CTNND2: variants seen among roughly 807,000 people sequenced by gnomAD.
CTNND2 encodes the protein catenin delta-2.
CTNND2 carries 22 observed loss-of-function variants against 144.4 expected under a neutral mutation model. That is an observed-to-expected ratio of 0.15 (90% CI 0.11 to 0.22). The LOEUF (loss-of-function observed/expected upper bound fraction) is 0.22. Ranked by LOEUF, CTNND2 falls within the 10% of genes least tolerant of loss-of-function variation. CTNND2 has a pLI of 1.00. For synonymous variants in CTNND2, 751 were observed against 695.6 expected (o/e 1.08, Z -1.25); for missense variants, 1,353 against 1,618.8 (o/e 0.84, Z 2.82).
At chr5:11,431,569 A>G (rs138445658) in intron 3 of CTNND2, among the ~76,000 whole-genome samples, 1,839 of 152,266 alleles carry the variant, frequency 0.012, 41 homozygotes, top group African/African-American at 0.042. Flanking sequence ...CTTGGCAGCC[A>G]GCCTCCATAT....
chr5:11,353,742 GC>G (rs1561266127), intron 8 of CTNND2, among the ~76,000 whole-genome samples: 1 of 151,890 alleles, frequency 6.6e-6, no homozygotes, highest in African/African-American at 2.4e-5. Flanking sequence ...GGCGGAGGTT[GC>G]AGTGATCCGA....
chr5:10,986,785 T>C (rs1291041513), intron 20 of CTNND2: 2 of 420,758 alleles, frequency 4.8e-6, no homozygotes, highest in Non-Finnish European at 9.4e-6. Flanking sequence ...TAGTTTTCTT[T>C]ACGCAGCTGA....
At chr5:11,398,591 A>C (rs1166186203) in intron 5 of CTNND2, among the ~76,000 whole-genome samples, 1 of 152,212 alleles carries the variant, frequency 6.6e-6, no homozygotes, top group Non-Finnish European at 1.5e-5. Flanking sequence ...TTCTGGAAAA[A>C]AAAAAGGTAA....
At chr5:11,740,276 C>T (rs1303022870) in intron 1 of CTNND2, among the ~76,000 whole-genome samples, 1 of 152,194 alleles carries the variant, frequency 6.6e-6, no homozygotes, top group African/African-American at 2.4e-5. Flanking sequence ...ATCACACTAC[C>T]TGACTTCAAA....
intron 1 of CTNND2, among the ~76,000 whole-genome samples, chr5:11,746,431 C>T (rs186396137): frequency 1.7e-3 from 254 of 152,226 alleles, no homozygotes; most frequent in Non-Finnish European, 3.0e-3. Context: ...GAACTTTCCT[C>T]AGATATTACA....
chr5:11,403,115 C>T (rs1314216559), intron 5 of CTNND2, among the ~76,000 whole-genome samples: 4 of 152,134 alleles, frequency 2.6e-5, no homozygotes, highest in Admixed American at 1.3e-4. Context: ...ATACATGTGC[C>T]GTGGTTGTTT....
At chr5:11,226,926 T>A (rs1427851174) in intron 10 of CTNND2, among the ~76,000 whole-genome samples, 4 of 152,252 alleles carry the variant, frequency 2.6e-5, no homozygotes, top group Non-Finnish European at 5.9e-5. Flanking sequence ...CACTTTCACA[T>A]ATCAATATAT....
intron 16 of CTNND2, among the ~76,000 whole-genome samples, chr5:11,041,574 T>C (rs193155772): frequency 1.3e-5 from 2 of 152,270 alleles, no homozygotes; most frequent in East Asian, 1.9e-4. Flanking sequence ...ATTCAGCCAG[T>C]CATTCCAAAA....
intron 1 of CTNND2, among the ~76,000 whole-genome samples, chr5:11,880,331 T>C (rs1217619408): frequency 6.6e-6 from 1 of 152,008 alleles, no homozygotes; most frequent in Non-Finnish European, 1.5e-5. Context: ...AAGAGTTCAC[T>C]TTGGGCAGAG....
chr5:11,562,457 C>T (rs1776758442), intron 3 of CTNND2, among the ~76,000 whole-genome samples: 1 of 152,168 alleles, frequency 6.6e-6, no homozygotes, highest in African/African-American at 2.4e-5. Context: ...TGATGCTATG[C>T]ATCAACTGTT....
At chr5:11,223,577 T>C (rs1046619891) in intron 10 of CTNND2, among the ~76,000 whole-genome samples, 2 of 152,172 alleles carry the variant, frequency 1.3e-5, no homozygotes, top group Admixed American at 1.3e-4. Flanking sequence ...AGATTAGCTC[T>C]TCTATCAAGA....
chr5:11,712,615 T>C, intron 2 of CTNND2, among the ~76,000 whole-genome samples: 1 of 152,226 alleles, frequency 6.6e-6, no homozygotes, highest in Non-Finnish European at 1.5e-5. Flanking sequence ...AAGTTTCTTA[T>C]TTGAAACTCA....
intron 19 of CTNND2, 54 bp downstream of exon 19, chr5:10,992,497 G>T: frequency 1.2e-6 from 2 of 1,611,390 alleles, no homozygotes; most frequent in South Asian, 1.1e-5. Flanking sequence ...GGGAAGGACC[G>T]TCTTTGCTCA....
intron 1 of CTNND2, among the ~76,000 whole-genome samples, chr5:11,881,442 T>A (rs1240322242): frequency 6.6e-6 from 1 of 152,014 alleles, no homozygotes; most frequent in Admixed American, 6.6e-5. Context: ...CTCCCCACTA[T>A]CCTTCTCATC....
At chr5:11,325,441 C>T (rs111444029) in intron 9 of CTNND2, among the ~76,000 whole-genome samples, 5 of 132,602 alleles carry the variant, frequency 3.8e-5, no homozygotes, top group Non-Finnish European at 6.3e-5. Context: ...TTAAAGCATA[C>T]AAATTGTGAT....
At chr5:11,844,407 C>CACAT (rs980995381) in intron 1 of CTNND2, among the ~76,000 whole-genome samples, 1 of 152,004 alleles carries the variant, frequency 6.6e-6, no homozygotes, top group African/African-American at 2.4e-5. Context: ...CACACACATA[C>CACAT]ACATACACAC....
At chr5:11,505,841 T>A (rs1770977107) in intron 3 of CTNND2, among the ~76,000 whole-genome samples, 1 of 152,186 alleles carries the variant, frequency 6.6e-6, no homozygotes, top group African/African-American at 2.4e-5. Context: ...TGTGACTGAC[T>A]TATTTTCTGG....
chr5:11,215,031 T>C (rs998547335), intron 10 of CTNND2, among the ~76,000 whole-genome samples: 35 of 152,220 alleles, frequency 2.3e-4, no homozygotes, highest in African/African-American at 8.4e-4. Context: ...ACTTGCTCAA[T>C]GCTGTGTCCA....
intron 1 of CTNND2, among the ~76,000 whole-genome samples, chr5:11,808,358 C>CTAGAGTGGG (rs200156626): frequency 0.014 from 2,077 of 152,196 alleles, 27 homozygotes; most frequent in South Asian, 0.064. Context: ...AGCTGACAGT[C>CTAGAGTGGG]TAGAGTGGGG....
Sources: allele counts gnomAD v4.1 joint callset (sites outside exome capture counted in the v4.1 genomes callset), GRCh38; gene constraint gnomAD v4.1.1; transcripts MANE v1.5; gene names NCBI Gene and HGNC (gene_info 2026-07-23, HGNC 2026-07-21).